The following CLSTN2 variants were observed in gnomAD, a reference collection of about 807,000 sequenced individuals.
The protein encoded by CLSTN2 is calsyntenin 2, also known as calsyntenin-2.
In CLSTN2, 48 loss-of-function variants were observed where a neutral mutation model predicts 101.2. That is an observed-to-expected ratio of 0.47 (90% CI 0.38 to 0.60). The LOEUF (loss-of-function observed/expected upper bound fraction) is 0.60. CLSTN2 is among the 20% of genes least tolerant of loss of function. CLSTN2 has a pLI of 0.00. For synonymous variants in CLSTN2, 481 were observed against 463.6 expected (o/e 1.04, Z -0.48); for missense variants, 1,160 against 1,238.2 (o/e 0.94, Z 0.95).
At chr3:140,329,296 G>A (rs2087359832) in intron 2 of CLSTN2, among the ~76,000 whole-genome samples, 1 of 152,236 alleles carries the variant, frequency 6.6e-6, no homozygotes, top group African/African-American at 2.4e-5. Flanking sequence ...AGGTGAGGCA[G>A]GAGAATCAAT....
intron 2 of CLSTN2, among the ~76,000 whole-genome samples, chr3:140,225,536 C>T (rs997181467): frequency 2.0e-5 from 3 of 151,996 alleles, no homozygotes; most frequent in African/African-American, 4.8e-5. Flanking sequence ...TTGCTCTTGT[C>T]GCCCAGGCTG....
chr3:140,315,242 TA>T (rs1207659207), intron 2 of CLSTN2, among the ~76,000 whole-genome samples: 1 of 152,148 alleles, frequency 6.6e-6, no homozygotes, highest in African/African-American at 2.4e-5. Context: ...AAAATGTGTG[TA>T]AAATGATGGG....
chr3:140,448,444 C>A, intron 5 of CLSTN2, 75 bp from the exon 6 acceptor site: 1 of 1,261,544 alleles, frequency 7.9e-7, no homozygotes. Context: ...GGAACAAATT[C>A]ACATTTCTAA....
intron 2 of CLSTN2, among the ~76,000 whole-genome samples, chr3:140,328,901 T>G (rs1031807862): frequency 6.6e-6 from 1 of 152,246 alleles, no homozygotes; most frequent in African/African-American, 2.4e-5. Flanking sequence ...TTACTCCGCA[T>G]TTTCTAATGA....
intron 8 of CLSTN2, among the ~76,000 whole-genome samples, chr3:140,493,125 A>G (rs1461206945): frequency 6.6e-6 from 1 of 152,236 alleles, no homozygotes; most frequent in African/African-American, 2.4e-5. Flanking sequence ...GTCTGGGAAC[A>G]TTATTGCCTC....
At chr3:140,472,436 A>T (rs186183446) in intron 8 of CLSTN2, among the ~76,000 whole-genome samples, 26 of 152,370 alleles carry the variant, frequency 1.7e-4, no homozygotes, top group African/African-American at 6.3e-4. Context: ...AGGTTAGTTC[A>T]ATCATTATTA....
At chr3:140,365,360 G>T (rs187877564) in intron 2 of CLSTN2, among the ~76,000 whole-genome samples, 3 of 152,196 alleles carry the variant, frequency 2.0e-5, no homozygotes, top group Admixed American at 6.5e-5. Flanking sequence ...GCTAGGAGAA[G>T]ATATTCCCAT....
intron 2 of CLSTN2, among the ~76,000 whole-genome samples, chr3:140,312,414 T>C (rs1398532229): frequency 6.6e-6 from 1 of 152,248 alleles, no homozygotes; most frequent in African/African-American, 2.4e-5. Context: ...ATCTTTTTTC[T>C]CTTCCTTTTT....
At chr3:140,474,037 G>A (rs1933921374) in intron 8 of CLSTN2, among the ~76,000 whole-genome samples, 1 of 152,132 alleles carries the variant, frequency 6.6e-6, no homozygotes, top group Admixed American at 6.5e-5. Flanking sequence ...GCCTCCCAAA[G>A]TGCTGGGATT....
rs547683657 is a variant in CLSTN2 at position 140,347,942 on chromosome 3, T to C, written c.233-55687T>C. On this transcript the variant is annotated intron_variant, in intron 2 of 16. Coordinates refer to ENST00000458420, the MANE Select transcript of CLSTN2 (RefSeq NM_022131.3). ...TTGAGAAGGATTCTGAGGCTGAAAA[T>C]TGGCTAAGCAGGAAGGATGCTCTGA... is the stretch of plus-strand genomic sequence containing the variant. 4.6e-5 allele frequency among the ~76,000 whole-genome samples: 7 copies of C among 152,270 alleles called. No individual in the cohort carries two copies. In the South Asian group the frequency reaches 1.0e-3, roughly 23 times the overall value.
intron 1 of CLSTN2, among the ~76,000 whole-genome samples, chr3:140,021,649 G>C (rs999803039): frequency 1.3e-5 from 2 of 152,064 alleles, no homozygotes; most frequent in Non-Finnish European, 2.9e-5. Flanking sequence ...GACCACTCTG[G>C]GATGATGAGG....
chr3:140,130,846 A>G (rs1210109028), intron 1 of CLSTN2, among the ~76,000 whole-genome samples: 2 of 152,116 alleles, frequency 1.3e-5, no homozygotes, highest in Non-Finnish European at 2.9e-5. Flanking sequence ...TTGTAACCCA[A>G]TTCAGAGCAA....
chr3:140,184,560 G>C (rs1172244026), intron 2 of CLSTN2, among the ~76,000 whole-genome samples: 1 of 152,162 alleles, frequency 6.6e-6, no homozygotes, highest in African/African-American at 2.4e-5. Context: ...TACAATTCGA[G>C]ATGAGATTCT....
intron 2 of CLSTN2, among the ~76,000 whole-genome samples, chr3:140,232,254 G>C (rs1480766816): frequency 1.3e-5 from 2 of 152,146 alleles, no homozygotes; most frequent in Admixed American, 1.3e-4. Context: ...ATCCCAATGA[G>C]CTCCAGTTCC....
intron 2 of CLSTN2, among the ~76,000 whole-genome samples, chr3:140,361,863 C>T (rs916570067): frequency 5.9e-5 from 9 of 152,118 alleles, no homozygotes; most frequent in East Asian, 1.9e-4. Flanking sequence ...TCCTGGTTCA[C>T]GGATTAAAAG....
intron 2 of CLSTN2, among the ~76,000 whole-genome samples, chr3:140,177,396 G>C (rs1345627807): frequency 6.6e-6 from 1 of 152,076 alleles, no homozygotes; most frequent in East Asian, 1.9e-4. Flanking sequence ...GCTAATAATG[G>C]TATTAGTCAG....
rs555424868 is a variant in CLSTN2 at position 140,039,158 on chromosome 3, G to T, written c.109+103675G>T. ...TTATTTAATCCATTTCTTTTACCTG[G>T]ATATCTTTATGCCCATATTTCTCTA... On this transcript the variant is annotated intron_variant, in intron 1 of 16. Transcript: ENST00000458420. 3.0e-4 allele frequency among the ~76,000 whole-genome samples: 45 copies of T among 152,158 alleles called. No individual in the cohort carries two copies. The South Asian group carries it at 5.2e-3, about 18-fold the overall frequency.
intron 8 of CLSTN2, among the ~76,000 whole-genome samples, chr3:140,501,434 T>G (rs1314117220): frequency 6.6e-6 from 1 of 151,074 alleles, no homozygotes; most frequent in African/African-American, 2.5e-5. Flanking sequence ...CTTGCGTCCT[T>G]AGGGATTAAA....
intron 1 of CLSTN2, among the ~76,000 whole-genome samples, chr3:140,162,009 C>T (rs1490626165): frequency 6.6e-6 from 1 of 152,068 alleles, no homozygotes; most frequent in Non-Finnish European, 1.5e-5. Flanking sequence ...CAACTGTTGA[C>T]AAGAATTTTA....
Sources: allele counts gnomAD v4.1 joint callset (sites outside exome capture counted in the v4.1 genomes callset), GRCh38; gene constraint gnomAD v4.1.1; transcripts MANE v1.5; gene names NCBI Gene and HGNC (gene_info 2026-07-23, HGNC 2026-07-21).